AAAS: variants seen among roughly 807,000 people sequenced by gnomAD.
AAAS encodes the protein aladin.
Under a neutral mutation model 75.6 loss-of-function variants are expected in AAAS, and 60 were observed. The observed-to-expected ratio is 0.79, with a 90% CI of 0.64 to 0.98. The LOEUF (loss-of-function observed/expected upper bound fraction) is 0.98, where lower values mean the gene tolerates loss of function less well. Ranked by LOEUF, AAAS falls within the 50% of genes least tolerant of loss-of-function variation. The pLI, the probability that AAAS is intolerant of heterozygous loss-of-function variation, is 0.00. For synonymous variants in AAAS, 271 were observed against 265.0 expected (o/e 1.02, Z -0.22); for missense variants, 658 against 686.9 (o/e 0.96, Z 0.47).
At chr12:53,316,333 C>T (rs1471806029) in intron 2 of AAAS, among the ~76,000 whole-genome samples, 1 of 150,930 alleles carries the variant, frequency 6.6e-6, no homozygotes, top group East Asian at 1.9e-4. Flanking sequence ...ACCTGTAGTC[C>T]CAGCTACTCA....
intron 7 of AAAS, among the ~76,000 whole-genome samples, chr12:53,312,375 A>C (rs1309864712): frequency 6.6e-6 from 1 of 152,158 alleles, no homozygotes; most frequent in Non-Finnish European, 1.5e-5. Flanking sequence ...GGAGTTCAAG[A>C]CCAGCCTGGC....
At chr12:53,307,955 CGGAGGCAAGAAG>C in intron 14 of AAAS, 26 bp from the exon 15 acceptor site, 1 of 1,613,660 alleles carries the variant, frequency 6.2e-7, no homozygotes, top group Non-Finnish European at 8.5e-7. Context: ...AGCAGGCAAC[CGGAGGCAAGAAG>C]GGAGCTGAAT....
Position 53,309,604 on chromosome 12 carries a change from G to T in AAAS, c.807C>A (p.Ile269=), listed in dbSNP as rs749004311. 1 of 1,613,746 alleles carries T rather than the reference G, an allele frequency of 6.2e-7. No homozygotes were observed. The highest frequency in any genetic ancestry group is 8.5e-7 in the Non-Finnish European group (1 of 1,179,902). The change falls in exon 8 of 16, where the codon ATC becomes ATA. Residue 269 remains isoleucine, a synonymous_variant. Transcript: ENST00000209873. The part of the protein sequence containing the change: ...LLSASPVDAA[I]RVWDVSTETC... ...TGAGGGGCAGGGACCCACTCACCCG[G>T]ATAGCAGCATCCACGGGTGAAGCTG...
chr12:53,313,443 G>A (rs1185377461), intron 7 of AAAS, among the ~76,000 whole-genome samples: 1 of 152,002 alleles, frequency 6.6e-6, no homozygotes, highest in East Asian at 1.9e-4. Flanking sequence ...TGAGATTACA[G>A]GCATGAGCCA....
In AAAS at chr12:53,315,358, C is replaced by T. The variant is rs769075438; in HGVS notation, c.376G>A (p.Gly126Arg). The change falls in exon 4 of 16, where the codon GGG (glycine) becomes AGG (arginine). Residue 126 changes from glycine (G) to arginine (R), a missense_variant. By Grantham distance (125) the Gly-to-Arg change is moderately radical (BLOSUM62 -2). Transcript: ENST00000209873. ...ALCRWASSLH[G>R]SLFPHLSLRS... is the part of the protein sequence containing the mutation. ...ACAGACAGATGGGGGAACAGGGACC[C>T]ATGGAGGGAAGAGGCCCATCGACAG... 6.2e-7 allele frequency: 1 copy of T among 1,614,156 alleles called. No individual in the cohort carries two copies. Among genetic ancestry groups the T allele is most frequent in the Admixed American group, 1.7e-5 (1 of 60,010 alleles).
Position 53,309,689 on chromosome 12 carries a change from T to G in AAAS, c.722A>C (p.His241Pro). The change falls in exon 8 of 16, where the codon CAC becomes CCC. Residue 241 changes from histidine to proline, a missense_variant. Coordinates refer to ENST00000209873, the MANE Select transcript of AAAS (RefSeq NM_015665.6). ...PSSGCAQVLS[H>P]PGHTPVTSLA... Reference sequence around the variant, plus strand: ...GCTGGTAACAGGTGTATGCCCAGGGTGAGACAGCACTTGGGCACAGCCAGA... The same window carrying G: ...GCTGGTAACAGGTGTATGCCCAGGGGGAGACAGCACTTGGGCACAGCCAGA... 6.2e-7 allele frequency: 1 copy of G among 1,613,282 alleles called. No homozygotes were observed. Among genetic ancestry groups the G allele is most frequent in the Non-Finnish European group, 8.5e-7 (1 of 1,179,830 alleles).
Position 53,307,940 on chromosome 12 carries a change from AG to A in AAAS, c.1332-12del. On this transcript the variant is annotated splice_polypyrimidine_tract_variant and intron_variant, in intron 14 of 15. Transcript: ENST00000209873. ...CCCTGGATAATGCCACTAGAAGAAA[AG>A]GTGAGCAGGCAACCGGAGGCAAGAA... 6.2e-7 allele frequency: 1 copy of A among 1,614,092 alleles called. No individual in the cohort carries two copies.
chr12:53,321,309 G>T, intron 1 of AAAS, 34 bp downstream of exon 1: 1 of 1,603,874 alleles, frequency 6.2e-7, no homozygotes, highest in Non-Finnish European at 8.5e-7. Flanking sequence ...CCGCCCCCAT[G>T]CCTGTAGGTC....
rs760594474 is a variant in AAAS, at chr12:53,320,669, T to C, written c.147A>G (p.Gln49=). 25 of 1,614,014 alleles carry C rather than the reference T, an allele frequency of 1.5e-5. No homozygotes were observed. The highest frequency in any genetic ancestry group is 2.0e-5 in the Non-Finnish European group (24 of 1,180,012). Residue 49 remains glutamine, a synonymous_variant, in exon 2 of 16, where the codon CAA becomes CAG. Transcript: ENST00000209873. ...GGGTCTTTAGGGGATCCTTTGTCAGTTGTAGGACAGGAAGATTGATCCACT... is the reference window on the plus strand; with the variant it reads ...GGGTCTTTAGGGGATCCTTTGTCAGCTGTAGGACAGGAAGATTGATCCACT... ...RGQWINLPVL[Q]LTKDPLKTPG...
rs148200139 is a variant in AAAS at position 53,309,619 on chromosome 12, G to A, written c.792C>T (p.Pro264=). The change falls in exon 8 of 16, where the codon CCC becomes CCT. Residue 264 remains proline, a synonymous_variant. Transcript: ENST00000209873. ...CACTCACCCGGATAGCAGCATCCAC[G>A]GGTGAAGCTGAGAGCAGCCGCCCCC... is the stretch of plus-strand genomic sequence containing the variant. ...PSGGRLLSAS[P]VDAAIRVWDV... is the part of the protein sequence containing the mutation. 2.0e-4 allele frequency: 315 copies of A among 1,613,568 alleles called. No individual in the cohort carries two copies. Among genetic ancestry groups the A allele is most frequent in the Non-Finnish European group, 2.6e-4 (301 of 1,179,926 alleles).
Position 53,314,317 on chromosome 12 carries a change from G to C in AAAS, c.670C>G (p.Pro224Ala). 1.9e-6 allele frequency: 3 copies of C among 1,614,190 alleles called. No homozygotes were observed. The highest frequency in any genetic ancestry group is 2.5e-6 in the Non-Finnish European group (3 of 1,180,038). The change falls in exon 7 of 16, where the codon CCT (proline) becomes GCT (alanine). Residue 224 changes from proline (P) to alanine (A), a missense_variant. Physicochemically the swap from Pro to Ala is conservative, Grantham distance 27. Coordinates refer to ENST00000209873, the MANE Select transcript of AAAS (RefSeq NM_015665.6). The part of the protein sequence containing the change: ...QSCILIWTLD[P>A]TSLSTRPSSG... ...ACTTACCGGGTAGACAAGGAGGTAGGGTCCAGGGTCCAGATAAGAATGCAG... is the reference window on the plus strand; with the variant it reads ...ACTTACCGGGTAGACAAGGAGGTAGCGTCCAGGGTCCAGATAAGAATGCAG...
intron 3 of AAAS, 119 bp downstream of exon 3, chr12:53,315,603 TAGAGG>T (rs1592519483): frequency 2.3e-6 from 3 of 1,319,272 alleles, no homozygotes; most frequent in South Asian, 1.3e-5. Context: ...TTTGGGTAGG[TAGAGG>T]AGAGGACAGG....
rs1404920388 is a variant in AAAS, at chr12:53,321,364, C to T, written c.102G>A (p.Pro34=). The part of the protein sequence containing the change: ...ELVTGSSYES[P]PPDFRGQWIN... ...CCACCTGGCCCCGGAAGTCGGGGGG[C>T]GGGCTCTCATAGCTACTGCCCGTCA... The change falls in exon 1 of 16, where the codon CCG becomes CCA. Residue 34 remains proline (P), a synonymous_variant. Coordinates refer to ENST00000209873, the MANE Select transcript of AAAS (RefSeq NM_015665.6). 1.9e-6 allele frequency: 3 copies of T among 1,613,896 alleles called. No individual in the cohort carries two copies. The highest frequency in any genetic ancestry group is 2.2e-5 in the South Asian group (2 of 91,088).
intron 7 of AAAS, among the ~76,000 whole-genome samples, chr12:53,312,191 T>C (rs1405699635): frequency 1.3e-5 from 2 of 150,434 alleles, no homozygotes; most frequent in Non-Finnish European, 3.0e-5. Flanking sequence ...CCATCCAGCC[T>C]GGGCAACAAA....
At chr12:53,315,449 C>G (rs1264515422) in intron 3 of AAAS, 23 bp from the exon 4 acceptor site, 1 of 1,602,392 alleles carries the variant, frequency 6.2e-7, no homozygotes, top group Admixed American at 1.7e-5. Flanking sequence ...GGAAGCAGCT[C>G]TGATTAAACC....
rs530937180 is a variant in AAAS, at chr12:53,310,038, C to T, written c.690-317G>A. On this transcript the variant is annotated intron_variant, in intron 7 of 15. Transcript: ENST00000209873. ...AACCTAGAAGGTACTGCCCCTGGGG[C>T]GATATCAGGCCCTACCCCAGAACAC... Among the ~76,000 whole-genome samples the T allele has an allele frequency of 1.5e-3, 236 of 152,286 alleles. 1 individual carries two copies. Among genetic ancestry groups the T allele is most frequent in the African/African-American group, 5.1e-3 (211 of 41,558 alleles).
At chr12:53,309,065 T>G in intron 9 of AAAS, 45 bp from the exon 10 acceptor site, 1 of 1,614,200 alleles carries the variant, frequency 6.2e-7, no homozygotes, top group South Asian at 1.1e-5. Context: ...CTCTAAGTTC[T>G]AAAAGTTGGA....
At chr12:53,314,648 C>A in intron 6 of AAAS, 103 bp downstream of exon 6, 1 of 1,362,894 alleles carries the variant, frequency 7.3e-7, no homozygotes, top group Non-Finnish European at 1.0e-6. Context: ...CTGGAAGGAG[C>A]CCCATGAATC....
At chr12:53,312,737 G>A (rs930157059) in intron 7 of AAAS, among the ~76,000 whole-genome samples, 2 of 147,530 alleles carry the variant, frequency 1.4e-5, no homozygotes, top group African/African-American at 2.5e-5. Context: ...TAACCAAGAG[G>A]TTTTCTTCTT....
Sources: gnomAD v4.1 joint callset for allele counts (sites outside exome capture counted in the v4.1 genomes callset) on GRCh38, gnomAD v4.1.1 for gene constraint, MANE v1.5 for transcripts, NCBI Gene and HGNC (gene_info 2026-07-23, HGNC 2026-07-21) for gene names.